Variants in MYBL2 observed in about 807,000 individuals in gnomAD.
MYBL2 encodes MYB proto-oncogene like 2, also known as myb-related protein B.
Under a neutral mutation model 79.9 loss-of-function variants are expected in MYBL2, and 28 were observed. The observed-to-expected ratio is 0.35, with a 90% CI of 0.26 to 0.48. MYBL2 has a LOEUF of 0.48. MYBL2 is among the 20% of genes least tolerant of loss of function. MYBL2 has a pLI of 0.99. For synonymous variants in MYBL2, 378 were observed against 361.2 expected, an observed-to-expected ratio of 1.05 and a Z score of -0.53; for missense variants, 735 against 893.9, an observed-to-expected ratio of 0.82 and a Z score of 2.27.
Position 43,689,666 on chromosome 20 carries a change from A to G in MYBL2, c.501-2491A>G, listed in dbSNP as rs138040418. Among the ~76,000 whole-genome samples, 147 of 152,186 alleles carry G rather than the reference A, an allele frequency of 9.7e-4. 1 individual carries two copies. Among genetic ancestry groups the G allele is most frequent in the African/African-American group, 3.2e-3 (134 of 41,532 alleles). On this transcript the variant is annotated intron_variant, in intron 5 of 13. Coordinates refer to ENST00000217026, the MANE Select transcript of MYBL2 (RefSeq NM_002466.4). Reference sequence around the variant, plus strand: ...CTCTGGTGACCTCTGTGTTGTGCCCACACCTGTCTGCAGAGTAGTGTGTAC... The same window carrying G: ...CTCTGGTGACCTCTGTGTTGTGCCCGCACCTGTCTGCAGAGTAGTGTGTAC...
chr20:43,710,895 G>C (rs996395934), intron 10 of MYBL2, among the ~76,000 whole-genome samples: 1 of 152,186 alleles, frequency 6.6e-6, no homozygotes, highest in African/African-American at 2.4e-5. Flanking sequence ...CTCCAAACAG[G>C]TGTGAGGGCA....
At chr20:43,674,224 T>TC (rs149334286) in intron 2 of MYBL2, among the ~76,000 whole-genome samples, 9,271 of 57,574 alleles carry the variant, frequency 0.16, 1,556 homozygotes, top group African/African-American at 0.23. Context: ...AATCTGTAAC[T>TC]CCCCCCACCC....
chr20:43,688,010 C>A (rs1311034135), intron 5 of MYBL2, among the ~76,000 whole-genome samples: 708 of 117,210 alleles, frequency 6.0e-3, no homozygotes, highest in Non-Finnish European at 7.1e-3. Context: ...AGACTGTCTC[C>A]AAAAAAAAAA....
At chr20:43,686,453 T>C (rs1343630911) in intron 4 of MYBL2, among the ~76,000 whole-genome samples, 2 of 152,170 alleles carry the variant, frequency 1.3e-5, no homozygotes, top group Non-Finnish European at 2.9e-5. Flanking sequence ...GAAAGTCTGT[T>C]TCCCACCTTT....
At chr20:43,712,566 G>A (rs573963237) in intron 11 of MYBL2, among the ~76,000 whole-genome samples, 2 of 152,148 alleles carry the variant, frequency 1.3e-5, no homozygotes, top group Non-Finnish European at 2.9e-5. Context: ...GGAATGGGGC[G>A]TTCCTTGATT....
chr20:43,672,373 T>G (rs1162946655), intron 1 of MYBL2, among the ~76,000 whole-genome samples: 1 of 44,836 alleles, frequency 2.2e-5, no homozygotes, highest in African/African-American at 6.9e-5. Context: ...GGAGGATCCC[T>G]TGAGCCCAGG....
intron 5 of MYBL2, 115 bp downstream of exon 5, chr20:43,687,187 C>A: frequency 9.1e-7 from 1 of 1,096,404 alleles, no homozygotes; most frequent in African/African-American, 1.6e-5. Context: ...CTGTAACACC[C>A]AGCCTCGGCT....
At chr20:43,691,478 C>T (rs1432769422) in intron 5 of MYBL2, among the ~76,000 whole-genome samples, 2 of 151,360 alleles carry the variant, frequency 1.3e-5, no homozygotes, top group Non-Finnish European at 2.9e-5. Flanking sequence ...CCTGGCATCA[C>T]GCCCAGCACC....
At chr20:43,672,427 CAA>C (rs3091561) in intron 1 of MYBL2, among the ~76,000 whole-genome samples, 200 of 144,740 alleles carry the variant, frequency 1.4e-3, no homozygotes, top group Middle Eastern at 3.5e-3. Flanking sequence ...CCTGTCATTA[CAA>C]AAAAAAAAAA....
intron 5 of MYBL2, among the ~76,000 whole-genome samples, chr20:43,691,213 CAG>C (rs1341268993): frequency 2.6e-5 from 4 of 152,176 alleles, no homozygotes; most frequent in Non-Finnish European, 5.9e-5. Flanking sequence ...AATGAGCAGA[CAG>C]TGTTGCTTAT....
In MYBL2 at chr20:43,702,732, C is replaced by T. The variant is rs758487972; in HGVS notation, c.1194C>T (p.Val398=). 32 of 1,613,956 alleles carry T rather than the reference C, an allele frequency of 2.0e-5. No homozygotes were observed. Among genetic ancestry groups the T allele is most frequent in the Middle Eastern group, 1.6e-4 (1 of 6,084 alleles). Residue 398 remains valine, a synonymous_variant, in exon 8 of 14, where the codon GTC becomes GTT. Coordinates refer to ENST00000217026, the MANE Select transcript of MYBL2 (RefSeq NM_002466.4). ...TCCCCATCTCCCCCAGCACTGAAGT[C>T]GGGGGCTCTGGCATTGGCACACCGC... ...ELIPISPSTE[V]GGSGIGTPPS...
At chr20:43,667,325 T>G in intron 1 of MYBL2, 22 bp downstream of exon 1, 1 of 1,228,314 alleles carries the variant, frequency 8.1e-7, no homozygotes, top group East Asian at 3.2e-5. Context: ...CGGGAGGGCT[T>G]GGGCCCCTCC....
chr20:43,678,037 T>C (rs1046741335), intron 2 of MYBL2, among the ~76,000 whole-genome samples: 2 of 152,212 alleles, frequency 1.3e-5, no homozygotes, highest in African/African-American at 4.8e-5. Context: ...ACGTGCTGTG[T>C]CCACTCAGGG....
chr20:43,676,465 C>T (rs1489366545), intron 2 of MYBL2, among the ~76,000 whole-genome samples: 1 of 152,194 alleles, frequency 6.6e-6, no homozygotes, highest in Non-Finnish European at 1.5e-5. Context: ...TTCTTTGCGT[C>T]TGGCTTTTGC....
chr20:43,706,904 C>A (rs142690381), intron 9 of MYBL2, among the ~76,000 whole-genome samples: 2,901 of 150,952 alleles, frequency 0.019, 34 homozygotes, highest in Non-Finnish European at 0.029. Context: ...TTAGTAGAAA[C>A]GAGGTTTCAC....
chr20:43,670,553 G>T (rs1218031099), intron 1 of MYBL2, among the ~76,000 whole-genome samples: 2 of 152,122 alleles, frequency 1.3e-5, no homozygotes, highest in Non-Finnish European at 2.9e-5. Flanking sequence ...CAGTCCCTGG[G>T]CAAACATTTC....
rs1487474613 is a variant in MYBL2 at position 43,715,121 on chromosome 20, GT to G, written c.1825-9del. ...CGCAAAATGGTGACTCCTTGACTTG[GT>G]TTTGGTTTCAGCCGACAACTGCCCC... On this transcript the variant is annotated splice_polypyrimidine_tract_variant and intron_variant, in intron 12 of 13. Coordinates refer to ENST00000217026, the MANE Select transcript of MYBL2 (RefSeq NM_002466.4). 12 of 1,613,708 alleles carry G rather than the reference GT, an allele frequency of 7.4e-6. No homozygotes were observed. Among genetic ancestry groups the G allele is most frequent in the African/African-American group, 1.3e-5 (1 of 74,906 alleles).
At chr20:43,668,492 G>C (rs977116177) in intron 1 of MYBL2, among the ~76,000 whole-genome samples, 3 of 151,980 alleles carry the variant, frequency 2.0e-5, no homozygotes, top group Admixed American at 1.3e-4. Context: ...GAGCCACCTT[G>C]CCCGGCCAAA....
intron 2 of MYBL2, among the ~76,000 whole-genome samples, chr20:43,676,878 G>A: frequency 6.9e-6 from 1 of 144,310 alleles, no homozygotes; most frequent in East Asian, 2.0e-4. Flanking sequence ...TTAGGATTGG[G>A]TTTTTTTTTT....
Sources: allele counts gnomAD v4.1 joint callset (sites outside exome capture counted in the v4.1 genomes callset), GRCh38; gene constraint gnomAD v4.1.1; transcripts MANE v1.5; gene names NCBI Gene and HGNC (gene_info 2026-07-23, HGNC 2026-07-21).